The following ACOX3 variants were observed in gnomAD, a reference collection of about 807,000 sequenced individuals.
ACOX3 encodes peroxisomal acyl-coenzyme A oxidase 3.
A neutral mutation model predicts 81.5 loss-of-function variants in ACOX3; 73 were observed. The observed-to-expected ratio is 0.90, with a 90% confidence interval of 0.74 to 1.09. ACOX3 has a LOEUF of 1.09. ACOX3 is among the 50% of genes least tolerant of loss of function. ACOX3 has a pLI of 0.00. For synonymous variants in ACOX3, 387 were observed against 375.1 expected, an observed-to-expected ratio of 1.03 and a Z score of -0.37; for missense variants, 947 against 928.0, an observed-to-expected ratio of 1.02 and a Z score of -0.27.
chr4:8,421,302 G>A (rs1478255373), intron 1 of ACOX3, among the ~76,000 whole-genome samples: 1 of 152,244 alleles, frequency 6.6e-6, no homozygotes, highest in Non-Finnish European at 1.5e-5. Flanking sequence ...GGCTTTCTGG[G>A]AAAAGGCTTT....
Position 8,400,701 on chromosome 4 carries a change from A to G in ACOX3, c.777-1049T>C, listed in dbSNP as rs1419476995. Among the ~76,000 whole-genome samples, 1 of 152,162 alleles carries G rather than the reference A, an allele frequency of 6.6e-6. No homozygotes were observed. The highest frequency in any genetic ancestry group is 2.4e-5 in the African/African-American group (1 of 41,418). ...AACCCCCCAAAACAAACTTCAAAAT[A>G]TCAATAGTTCCTATAGCAACTTGTC... On this transcript the variant is annotated intron_variant, in intron 7 of 17. Transcript: ENST00000356406. This position sits in a 1 kb window ranked among gnomAD's most constrained non-coding sequence, Gnocchi z 4.4.
intron 7 of ACOX3, among the ~76,000 whole-genome samples, chr4:8,401,155 G>A (rs1720325922): frequency 6.6e-6 from 1 of 152,112 alleles, no homozygotes; most frequent in African/African-American, 2.4e-5. Flanking sequence ...AGCTCAGGCA[G>A]TCATGTGAGC....
intron 1 of ACOX3, among the ~76,000 whole-genome samples, chr4:8,425,859 C>G (rs1313478282): frequency 1.3e-5 from 2 of 152,012 alleles, no homozygotes; most frequent in Non-Finnish European, 2.9e-5. Context: ...CTGCAGTAAC[C>G]CAGCGAGTAT....
At chr4:8,440,069 A>G (rs1051168572) in intron 1 of ACOX3, among the ~76,000 whole-genome samples, 12 of 152,264 alleles carry the variant, frequency 7.9e-5, no homozygotes, top group Non-Finnish European at 1.6e-4. Flanking sequence ...CAGACATTGT[A>G]TGAAAAAAGC....
In ACOX3 at chr4:8,386,705, T is replaced by G. The variant is rs1330170027; in HGVS notation, c.1537+2468A>C. Among the ~76,000 whole-genome samples, 2 of 152,194 alleles carry G rather than the reference T, an allele frequency of 1.3e-5. No individual in the cohort carries two copies. The highest frequency in any genetic ancestry group is 2.9e-5 in the Non-Finnish European group (2 of 68,032). ...CGTCAGAAGCTGTAACCCAGCGCAGTGACCACGAGAAAGCAAGCAGTGATG... is the reference window on the plus strand; with the variant it reads ...CGTCAGAAGCTGTAACCCAGCGCAGGGACCACGAGAAAGCAAGCAGTGATG... On this transcript the variant is annotated intron_variant, in intron 13 of 17. Transcript: ENST00000356406. The surrounding 1 kb of genome is among the most constrained non-coding windows in gnomAD (Gnocchi z 5.2).
At chr4:8,379,665 A>G (rs901027348) in intron 14 of ACOX3, among the ~76,000 whole-genome samples, 15 of 152,290 alleles carry the variant, frequency 9.8e-5, no homozygotes, top group Admixed American at 8.5e-4. Flanking sequence ...AGGGGGTGCT[A>G]AGGACCTACC....
At chr4:8,383,227 C>T (rs906374616) in intron 13 of ACOX3, among the ~76,000 whole-genome samples, 1 of 152,216 alleles carries the variant, frequency 6.6e-6, no homozygotes, top group Non-Finnish European at 1.5e-5. Context: ...AGGGCACAGG[C>T]AGGGTTGGGC....
Position 8,400,256 on chromosome 4 carries a change from TAATAATAA to T in ACOX3, c.777-612_777-605del, listed in dbSNP as rs1244429794. ...ACAGAGCAAGACTCCACCTCAATAA[TAATAATAA>T]TAATAATAATAATAATAATAAAAGC... On this transcript the variant is annotated intron_variant, in intron 7 of 17. Transcript: ENST00000356406. This position sits in a 1 kb window ranked among gnomAD's most constrained non-coding sequence, Gnocchi z 4.4. Among the ~76,000 whole-genome samples the T allele has an allele frequency of 1.7e-5, 1 of 59,870 alleles. No homozygotes were observed. Among genetic ancestry groups the T allele is most frequent in the Non-Finnish European group, 4.4e-5 (1 of 22,892 alleles). 39.3% of individuals were successfully genotyped at this position (59,870 alleles called of 152,430 possible).
Position 8,415,795 on chromosome 4 carries a change from G to T in ACOX3, c.349C>A (p.Leu117Met). ...CTATGGAGGAGGTACTTGGCAGCCA[G>T]AGAAGAGTCATACATGCCCAGGCAC... The part of the protein sequence containing the change: ...IQCLGMYDSS[L>M]AAKYLLHSLV... The change falls in exon 3 of 18, where the codon CTG becomes ATG. Residue 117 changes from leucine to methionine, a missense_variant. By Grantham distance (15) the Leu-to-Met change is conservative. Coordinates refer to ENST00000356406, the MANE Select transcript of ACOX3 (RefSeq NM_003501.3). The T allele has an allele frequency of 6.2e-7, 1 of 1,614,146 alleles. No homozygotes were observed. Among genetic ancestry groups the T allele is most frequent in the Non-Finnish European group, 8.5e-7 (1 of 1,180,024 alleles).
At position 8,394,676 on chromosome 4, in the gene ACOX3, G is replaced by C; in HGVS notation, c.1123C>G (p.Leu375Val). ...CCTCGCTGGAGCTCCACCAGGTCCA[G>C]GAAGAGCGACTTGGAGAAATGGTCT... ...ALDHFSKSLF[L>V]DLVELQRGLA... Residue 375 changes from leucine (L) to valine (V), a missense_variant, in exon 10 of 18, where the codon CTG becomes GTG. Transcript: ENST00000356406. The surrounding 1 kb of genome is among the most constrained non-coding windows in gnomAD (Gnocchi z 5.9). 6.2e-7 allele frequency: 1 copy of C among 1,613,918 alleles called. No homozygotes were observed. The highest frequency in any genetic ancestry group is 1.7e-4 in the Middle Eastern group (1 of 6,056).
In ACOX3 at chr4:8,373,954, C is replaced by T. The variant is rs139414998; in HGVS notation, c.1829-326G>A. ...AGGGAGGCTGGGCGGGTTCCTTCCTCGGGAGAAAGTGAGGAAGGGGCTCCT... is the reference window on the plus strand; with the variant it reads ...AGGGAGGCTGGGCGGGTTCCTTCCTTGGGAGAAAGTGAGGAAGGGGCTCCT... On this transcript the variant is annotated intron_variant, in intron 15 of 17. Coordinates refer to ENST00000356406, the MANE Select transcript of ACOX3 (RefSeq NM_003501.3). 246 of 331,802 alleles carry T rather than the reference C, an allele frequency of 7.4e-4. 3 individuals carry two copies. The East Asian group carries it at 0.015, about 20-fold the overall frequency. The allele number at this position is 331,802 out of a possible 1,614,324, so 20.6% of individuals were successfully genotyped here. A position where few individuals can be genotyped will look rare whatever the true frequency, so the allele number is the denominator to read the frequency against.
chr4:8,360,896 T>C, the ACOX3 span, among the ~76,000 whole-genome samples: 15 of 152,180 alleles, frequency 9.9e-5, no homozygotes, highest in Admixed American at 9.8e-4. Context: ...CACTTCTGCC[T>C]GGTGTGTCCT....
At chr4:8,374,037 A>G (rs917781735) in intron 15 of ACOX3, 10 of 211,166 alleles carry the variant, frequency 4.7e-5, no homozygotes, top group African/African-American at 2.3e-4. Context: ...GGTGCCTGGG[A>G]CCACCCAGGG....
chr4:8,379,404 T>A (rs3796748), intron 14 of ACOX3, among the ~76,000 whole-genome samples: 1 of 152,264 alleles, frequency 6.6e-6, no homozygotes, highest in East Asian at 1.9e-4. Flanking sequence ...GGCAACTGTT[T>A]TCCCTCCAAG....
intron 3 of ACOX3, 43 bp downstream of exon 3, chr4:8,415,723 C>G: frequency 6.4e-7 from 1 of 1,572,372 alleles, no homozygotes; most frequent in Non-Finnish European, 8.7e-7. Context: ...AGGCTCAGCG[C>G]AGCATGAAAG....
At chr4:8,374,587 C>T (rs1716680536) in intron 15 of ACOX3, 1 of 187,014 alleles carries the variant, frequency 5.3e-6, no homozygotes, top group African/African-American at 2.3e-5. Flanking sequence ...AGGAATCAGC[C>T]CCAGCACCCC....
chr4:8,372,526 TTTG>T (rs1716344322), intron 16 of ACOX3, among the ~76,000 whole-genome samples: 1 of 152,152 alleles, frequency 6.6e-6, no homozygotes, highest in East Asian at 1.9e-4. Context: ...GGGGGTAAAA[TTTG>T]GCTCTTGGAG....
downstream of ACOX3, among the ~76,000 whole-genome samples, chr4:8,363,633 A>G (rs998856481): frequency 2.0e-5 from 3 of 152,192 alleles, no homozygotes; most frequent in Non-Finnish European, 4.4e-5. Flanking sequence ...GCTGGGTAAA[A>G]TGAGGCTGAG....
Position 8,389,213 on chromosome 4 carries a change from C to T in ACOX3, c.1497G>A (p.Lys499=). The T allele has an allele frequency of 1.2e-6, 2 of 1,613,998 alleles. No individual in the cohort carries two copies. The highest frequency in any genetic ancestry group is 8.5e-7 in the Non-Finnish European group (1 of 1,179,992). ...LDAYPGILDQ[K]FEVSSVADCL... is the part of the protein sequence containing the mutation. ...AGTCGGCAACACTGGAGACCTCAAA[C>T]TTCTGGTCAAGGATGCCGGGATAGG... Residue 499 remains lysine (K), a synonymous_variant, in exon 13 of 18, where the codon AAG becomes AAA. Transcript: ENST00000356406. This position sits in a 1 kb window ranked among gnomAD's most constrained non-coding sequence, Gnocchi z 5.3.
Sources: allele counts gnomAD v4.1 joint callset (sites outside exome capture counted in the v4.1 genomes callset), GRCh38; gene constraint gnomAD v4.1.1; non-coding constraint Gnocchi (gnomAD v3.1); transcripts MANE v1.5; gene names NCBI Gene and HGNC (gene_info 2026-07-23, HGNC 2026-07-21).